The following BLTP1 variants were observed in gnomAD, a reference collection of about 807,000 sequenced individuals.
BLTP1 encodes the protein fragile site-associated protein.
the BLTP1 span, chr4:122,182,675 G>T: frequency 5.1e-6 from 5 of 985,384 alleles, no homozygotes; most frequent in East Asian, 5.7e-4. Context: ...CCATGACCCT[G>T]TTGGGACCAT....
the BLTP1 span, chr4:122,215,457 ATAG>A: frequency 2.0e-6 from 2 of 985,374 alleles, no homozygotes; most frequent in Non-Finnish European, 2.4e-6. Flanking sequence ...CTGAAACCTA[ATAG>A]TAGTTGAGTC....
the BLTP1 span, among the ~76,000 whole-genome samples, chr4:122,309,958 T>C: frequency 6.6e-6 from 1 of 152,100 alleles, no homozygotes; most frequent in Admixed American, 6.6e-5. Flanking sequence ...TGGGTATAAC[T>C]AAAGCTGTGT....
the BLTP1 span, chr4:122,227,503 A>G: frequency 9.9e-5 from 97 of 984,198 alleles, 1 homozygote; most frequent in South Asian, 2.9e-3. Context: ...TCTGGAAAAC[A>G]TGGCTGTTTC....
the BLTP1 span, among the ~76,000 whole-genome samples, chr4:122,163,049 G>A: frequency 6.6e-6 from 1 of 152,170 alleles, no homozygotes; most frequent in Non-Finnish European, 1.5e-5. Flanking sequence ...AAAGCACACA[G>A]TCATGTTTCT....
chr4:122,278,062 T>C, the BLTP1 span, among the ~76,000 whole-genome samples: 12 of 152,222 alleles, frequency 7.9e-5, no homozygotes, highest in African/African-American at 2.9e-4. Flanking sequence ...ATATTAATAT[T>C]TTTAGATAAC....
At chr4:122,155,967 A>G in the BLTP1 span, 14 of 964,184 alleles carry the variant, frequency 1.5e-5, no homozygotes, top group South Asian at 4.8e-5. Flanking sequence ...TCTAGCCACC[A>G]TCATCTTTAT....
At chr4:122,236,914 C>T in the BLTP1 span, 1 of 985,228 alleles carries the variant, frequency 1.0e-6, no homozygotes. Context: ...ATTGTTGAGT[C>T]TTCCAGGAAT....
At chr4:122,157,399 G>T in the BLTP1 span, among the ~76,000 whole-genome samples, 2 of 152,012 alleles carry the variant, frequency 1.3e-5, no homozygotes, top group Non-Finnish European at 2.9e-5. Flanking sequence ...CAATTTTTCC[G>T]TGCACCTGAC....
chr4:122,215,615 TG>T, the BLTP1 span: 4 of 954,758 alleles, frequency 4.2e-6, no homozygotes, highest in Non-Finnish European at 5.0e-6. Context: ...TCATCAGGAC[TG>T]GGGTGGAATG....
At chr4:122,321,408 G>A in the BLTP1 span, among the ~76,000 whole-genome samples, 6 of 151,694 alleles carry the variant, frequency 4.0e-5, no homozygotes, top group South Asian at 2.1e-4. Context: ...ACATAAATGC[G>A]TGTGCACATA....
At chr4:122,339,417 A>G in the BLTP1 span, 2 of 1,601,124 alleles carry the variant, frequency 1.2e-6, no homozygotes, top group Non-Finnish European at 1.7e-6. Context: ...AGGTATAGAT[A>G]ATGTTCTTTT....
chr4:122,251,268 A>T, the BLTP1 span: 1 of 950,300 alleles, frequency 1.1e-6, no homozygotes, highest in Non-Finnish European at 1.3e-6. Context: ...ATAAGAATGT[A>T]GTAACTGTTG....
the BLTP1 span, chr4:122,254,399 T>A: frequency 7.0e-7 from 1 of 1,437,158 alleles, no homozygotes; most frequent in Non-Finnish European, 9.7e-7. Context: ...TTATTTTAAA[T>A]AGTATACAAT....
the BLTP1 span, chr4:122,243,373 A>AT: frequency 4.1e-6 from 4 of 977,746 alleles, no homozygotes; most frequent in Middle Eastern, 5.2e-4. Context: ...CATTCAATGT[A>AT]TTAGCCATCT....
chr4:122,331,794 T>C, the BLTP1 span: 1 of 969,574 alleles, frequency 1.0e-6, no homozygotes, highest in Non-Finnish European at 1.2e-6. Flanking sequence ...GTTATATCTT[T>C]GGAATTCTTT....
chr4:122,283,202 T>A, the BLTP1 span, among the ~76,000 whole-genome samples: 2 of 152,224 alleles, frequency 1.3e-5, no homozygotes, highest in Non-Finnish European at 2.9e-5. Flanking sequence ...TTTTAATCTA[T>A]CTTAATCAAT....
At chr4:122,339,613 G>A in the BLTP1 span, among the ~76,000 whole-genome samples, 147,526 of 152,240 alleles carry the variant, frequency 0.97, 71,654 homozygotes, top group East Asian at 1. Flanking sequence ...TTTGGTTTCT[G>A]TTTTTAGCTG....
the BLTP1 span, chr4:122,263,669 G>C: frequency 1.0e-6 from 1 of 966,324 alleles, no homozygotes. Context: ...TTATTTTTCA[G>C]GGGATGGGTT....
the BLTP1 span, among the ~76,000 whole-genome samples, chr4:122,237,881 G>T: frequency 4.6e-5 from 7 of 150,930 alleles, no homozygotes; most frequent in Non-Finnish European, 4.4e-5. Flanking sequence ...TACTTGGCAG[G>T]CTGAGGCAGG....
Sources: gnomAD v4.1 joint callset for allele counts (sites outside exome capture counted in the v4.1 genomes callset) on GRCh38, gnomAD v4.1.1 for gene constraint, MANE v1.5 for transcripts, NCBI Gene and HGNC (gene_info 2026-07-23, HGNC 2026-07-21) for gene names.